Variants in MED14 observed in about 807,000 individuals in gnomAD.
MED14 encodes mediator of RNA polymerase II transcription subunit 14.
MED14 carries 8 observed loss-of-function variants against 109.0 expected under a neutral mutation model. The observed-to-expected ratio is 0.07, with a 90% CI of 0.04 to 0.13. The LOEUF is 0.13. Among genes scored for constraint, MED14 ranks in the 10% least tolerant of loss-of-function variants. The pLI is 1.00. For synonymous variants in MED14, 399 were observed against 408.7 expected, an observed-to-expected ratio of 0.98 and a Z score of 0.29; for missense variants, 711 against 1,142.4, an observed-to-expected ratio of 0.62 and a Z score of 5.44.
chrX:40,721,714 G>A (rs528225617), intron 3 of MED14, among the ~76,000 whole-genome samples: 1 of 112,687 alleles, frequency 8.9e-6, no homozygotes, highest in Middle Eastern at 4.6e-3. Flanking sequence ...GTGCTGTGCT[G>A]ACTTCAGGTC....
intron 1 of MED14, among the ~76,000 whole-genome samples, chrX:40,731,934 C>G (rs1286485727): frequency 2.7e-5 from 3 of 112,042 alleles, no homozygotes; most frequent in Non-Finnish European, 3.8e-5. Context: ...TTCTAGGCAC[C>G]AGGGAAAGTC....
intron 12 of MED14, 73 bp from the exon 13 acceptor site, chrX:40,697,256 T>C: frequency 1.6e-6 from 1 of 610,392 alleles, no homozygotes. Flanking sequence ...GATTTACAAA[T>C]GATTAAAGAC....
At chrX:40,653,353 A>C (rs1928942607) in intron 30 of MED14, among the ~76,000 whole-genome samples, 1 of 111,690 alleles carries the variant, frequency 9.0e-6, no homozygotes, top group Non-Finnish European at 1.9e-5. Context: ...AAAGAAGCAC[A>C]CCCTTCTCTA....
intron 3 of MED14, among the ~76,000 whole-genome samples, chrX:40,723,719 A>ACAAGAAATT (rs1192292954): frequency 4.6e-5 from 5 of 108,656 alleles, no homozygotes; most frequent in Non-Finnish European, 9.6e-5. Flanking sequence ...AAAATAAAAA[A>ACAAGAAATT]CAAGAAATTA....
chrX:40,715,476 T>C (rs1286887434), intron 3 of MED14, among the ~76,000 whole-genome samples: 1 of 110,507 alleles, frequency 9.0e-6, no homozygotes. Context: ...GAAGAAAGCA[T>C]TGGAAAAATG....
At chrX:40,726,702 C>T (rs776902153) in intron 3 of MED14, 44 bp downstream of exon 3, 3 of 1,065,506 alleles carry the variant, frequency 2.8e-6, no homozygotes, top group East Asian at 3.1e-5. Context: ...TCATAACATT[C>T]GAAAAGTTAT....
chrX:40,709,297 G>T, intron 10 of MED14, 51 bp downstream of exon 10: 1 of 591,183 alleles, frequency 1.7e-6, no homozygotes, highest in South Asian at 5.2e-5. Flanking sequence ...AAATAAAACT[G>T]GATTCTAGTT....
chrX:40,651,706 T>C lies in MED14; in HGVS notation c.*100A>G, dbSNP rs1928882698. The C allele has an allele frequency of 9.3e-7, 1 of 1,080,383 alleles. No homozygotes were observed. Among genetic ancestry groups the C allele is most frequent in the Admixed American group, 4.6e-5 (1 of 21,833 alleles). The allele number at this position is 1,080,383 out of a possible 1,213,427, so 89.0% of individuals were successfully genotyped here. On this transcript the variant is annotated 3_prime_UTR_variant, in exon 31 of 31. Transcript: ENST00000324817. ...AGTTTAGAATATTTAGCTCTTAAAG[T>C]TTAAAAAAAAAGTCCTTTTCCTTTT... is the stretch of plus-strand genomic sequence containing the variant.
intron 10 of MED14, among the ~76,000 whole-genome samples, chrX:40,707,635 C>CA (rs1236618353): frequency 4.5e-5 from 5 of 110,921 alleles, no homozygotes; most frequent in East Asian, 2.8e-4. Context: ...CTGTGAACCT[C>CA]AAAAAAAATG....
At chrX:40,669,558 T>G (rs1214848847) in intron 23 of MED14, among the ~76,000 whole-genome samples, 1 of 111,937 alleles carries the variant, frequency 8.9e-6, no homozygotes, top group Non-Finnish European at 1.9e-5. Context: ...ATCAACAGGT[T>G]CAAGAGAACT....
At chrX:40,703,097 A>G (rs749998615) in intron 11 of MED14, among the ~76,000 whole-genome samples, 2 of 112,522 alleles carry the variant, frequency 1.8e-5, no homozygotes, top group East Asian at 5.6e-4. Context: ...CACAAATGAC[A>G]TTAGAATTCC....
At chrX:40,707,385 C>T (rs183539924) in intron 10 of MED14, among the ~76,000 whole-genome samples, 6 of 111,757 alleles carry the variant, frequency 5.4e-5, no homozygotes, top group Admixed American at 3.8e-4. Context: ...GTGTTAAACA[C>T]GTCAAAAGGT....
chrX:40,727,437 A>G (rs1171765525), intron 2 of MED14, among the ~76,000 whole-genome samples: 5 of 111,800 alleles, frequency 4.5e-5, no homozygotes, highest in Non-Finnish European at 7.5e-5. Context: ...ACATTAAAAA[A>G]TATCCAAGCA....
chrX:40,710,307 T>C (rs1487805634), intron 8 of MED14, among the ~76,000 whole-genome samples, 178 bp from the exon 9 acceptor site: 1 of 111,898 alleles, frequency 8.9e-6, no homozygotes, highest in Non-Finnish European at 1.9e-5. Flanking sequence ...CAATATTTGA[T>C]TTATTGCATT....
At chrX:40,668,158 G>A (rs763433797) in intron 23 of MED14, among the ~76,000 whole-genome samples, 15 of 111,368 alleles carry the variant, frequency 1.3e-4, no homozygotes, top group Admixed American at 7.6e-4. Context: ...CGAAGTGGGC[G>A]GTTCACCTGA....
At position 40,686,892 on chromosome X, in the gene MED14, T is replaced by A. The variant is rs191850299; in HGVS notation, c.2057+1562A>T. 1.1e-4 allele frequency among the ~76,000 whole-genome samples: 12 copies of A among 111,855 alleles called. No individual in the cohort carries two copies. The East Asian group carries it at 3.3e-3, about 31-fold the overall frequency. On this transcript the variant is annotated intron_variant, in intron 16 of 30. Transcript: ENST00000324817. ...TCTGGCTTTGCAAGTCCATACTGGG[T>A]CACTTTTAAAGCACATGTACCACAT...
At chrX:40,682,039 C>A in intron 18 of MED14, 96 bp from the exon 19 acceptor site, 2 of 385,767 alleles carry the variant, frequency 5.2e-6, no homozygotes, top group Non-Finnish European at 9.0e-6. Flanking sequence ...TATTATATGC[C>A]CAGACAGGTC....
chrX:40,661,801 T>C (rs1399187717), intron 26 of MED14, among the ~76,000 whole-genome samples: 1 of 111,550 alleles, frequency 9.0e-6, no homozygotes, highest in Non-Finnish European at 1.9e-5. Flanking sequence ...GTTAGAAGTC[T>C]CTTTTCTTCT....
At chrX:40,668,157 C>T (rs778297068) in intron 23 of MED14, among the ~76,000 whole-genome samples, 5 of 111,150 alleles carry the variant, frequency 4.5e-5, no homozygotes, top group South Asian at 3.8e-4. Context: ...GCGAAGTGGG[C>T]GGTTCACCTG....
Sources: allele counts gnomAD v4.1 joint callset (sites outside exome capture counted in the v4.1 genomes callset), GRCh38; gene constraint gnomAD v4.1.1; transcripts MANE v1.5; gene names NCBI Gene and HGNC (gene_info 2026-07-23, HGNC 2026-07-21).